SLC12A7: variants seen among roughly 807,000 people sequenced by gnomAD.
SLC12A7 encodes the protein K-Cl cotransporter 4.
A neutral mutation model predicts 120.6 loss-of-function variants in SLC12A7; 100 were observed. The observed-to-expected ratio is 0.83, with a 90% CI of 0.71 to 0.98. The LOEUF (loss-of-function observed/expected upper bound fraction) is 0.98, where lower values mean the gene tolerates loss of function less well. Ranked by LOEUF, SLC12A7 falls within the 50% of genes least tolerant of loss-of-function variation. The probability of loss-of-function intolerance (pLI) is 0.00; values close to 1 mark genes in which losing one functional copy is unlikely to be tolerated. For missense variants in SLC12A7, 1,373 were observed against 1,548.1 expected, an observed-to-expected ratio of 0.89 and a Z score of 1.90; for synonymous variants, 760 against 678.0, an observed-to-expected ratio of 1.12 and a Z score of -1.88.
chr5:1,104,775 C>G (rs1360397820), intron 1 of SLC12A7, among the ~76,000 whole-genome samples: 1 of 152,234 alleles, frequency 6.6e-6, no homozygotes, highest in African/African-American at 2.4e-5. Flanking sequence ...AAGCAGCACT[C>G]TCCTCCCCAC....
intron 1 of SLC12A7, among the ~76,000 whole-genome samples, chr5:1,095,336 T>C (rs1315437788): frequency 6.6e-6 from 1 of 152,230 alleles, no homozygotes; most frequent in African/African-American, 2.4e-5. Context: ...GACCACAGCC[T>C]GCCCGGGACC....
chr5:1,118,695 G>A, the SLC12A7 span, among the ~76,000 whole-genome samples: 1 of 152,258 alleles, frequency 6.6e-6, no homozygotes, highest in Admixed American at 6.5e-5. Flanking sequence ...GCCTCAGAGA[G>A]CCTGGTCTCA....
At position 1,085,453 on chromosome 5, in the gene SLC12A7, C is replaced by T. The variant is rs1418966189; in HGVS notation, c.696G>A (p.Ala232=). The change falls in exon 7 of 24, where the codon GCG becomes GCA. Residue 232 remains alanine, a synonymous_variant. Transcript: ENST00000264930. ...CTGCAGCCTCCGCCTGGAAGATGGC[C>T]GCACCCGGGGAGATGTACGTCTGTG... ...EIFLTYISPG[A]AIFQAEAAGG... 4.4e-6 allele frequency: 7 copies of T among 1,608,116 alleles called. No individual in the cohort carries two copies. The highest frequency in any genetic ancestry group is 1.7e-4 in the Middle Eastern group (1 of 6,054).
the SLC12A7 span, among the ~76,000 whole-genome samples, chr5:1,143,984 G>GGCGCTGCGAAACCTGGCCTCTTGGGCA: frequency 5.9e-5 from 9 of 152,284 alleles, no homozygotes; most frequent in East Asian, 3.9e-4. Flanking sequence ...TGGGCACCCT[G>GGCGCTGCGAAACCTGGCCTCTTGGGCA]CCCTCCTACC....
chr5:1,118,646 T>C, the SLC12A7 span, among the ~76,000 whole-genome samples: 10 of 152,218 alleles, frequency 6.6e-5, no homozygotes, highest in Non-Finnish European at 1.5e-4. Context: ...GAAATTCGAA[T>C]GAGTCCAGGA....
the SLC12A7 span, among the ~76,000 whole-genome samples, chr5:1,144,292 C>CCCAAGTCCCGGGCT: frequency 6.6e-6 from 1 of 152,236 alleles, no homozygotes; most frequent in East Asian, 1.9e-4. Context: ...AAGGCAGGGG[C>CCCAAGTCCCGGGCT]CCACGTCCCG....
At position 1,065,483 on chromosome 5, in the gene SLC12A7, G is replaced by C; in HGVS notation, c.2242-5C>G. 4 of 1,571,932 alleles carry C rather than the reference G, an allele frequency of 2.5e-6. No homozygotes were observed. The highest frequency in any genetic ancestry group is 3.5e-6 in the Non-Finnish European group (4 of 1,154,752). ...GCTCATTAGGGACCGTATGTTCTGC[G>C]GGAGACAGGACAGGTTGGTGCTACA... On this transcript the variant is annotated splice_region_variant and splice_polypyrimidine_tract_variant and intron_variant, in intron 17 of 23. Coordinates refer to ENST00000264930, the MANE Select transcript of SLC12A7 (RefSeq NM_006598.3).
intron 9 of SLC12A7, among the ~76,000 whole-genome samples, chr5:1,080,649 C>T (rs564388738): frequency 1.5e-4 from 23 of 152,308 alleles, no homozygotes; most frequent in African/African-American, 3.6e-4. Context: ...CAGCCGGGGG[C>T]GTGTGTGTGC....
chr5:1,064,158 GC>G lies in SLC12A7; in HGVS notation c.2531del (p.Gly844AlafsTer48), dbSNP rs1487680071. 6.2e-7 allele frequency: 1 copy of G among 1,612,124 alleles called. No homozygotes were observed. Among genetic ancestry groups the G allele is most frequent in the African/African-American group, 1.3e-5 (1 of 75,046 alleles). ...GCACGATCCACCACACGTCGATGTG[GC>G]CCCCGCCGAAGCGCTCCTGGTTTTG... The part of the protein sequence containing the change: ...FPQNQERFGG[G>X]HIDVWWIVHD... On this transcript the variant is annotated frameshift_variant, in exon 19 of 24. Transcript: ENST00000264930. LOFTEE classifies it high-confidence loss of function.
At position 1,083,853 on chromosome 5, in the gene SLC12A7, G is replaced by T. The variant is rs772388727; in HGVS notation, c.1021C>A (p.Leu341Ile). The T allele has an allele frequency of 6.2e-7, 1 of 1,608,066 alleles. No individual in the cohort carries two copies. Among genetic ancestry groups the T allele is most frequent in the South Asian group, 1.1e-5 (1 of 90,680 alleles). The change falls in exon 8 of 24, where the codon CTC (leucine) becomes ATC (isoleucine). Residue 341 changes from leucine (L) to isoleucine (I), a missense_variant. Transcript: ENST00000264930. ...NNSATSALWG[L>I]FCNGSQPSAA... ...CTGGGCTGGGAGCCGTTGCAGAAGA[G>T]GCCCCAGAGCGCGGAGGTGGCTGAG... is the stretch of plus-strand genomic sequence containing the variant.
chr5:1,139,647 G>T, the SLC12A7 span, among the ~76,000 whole-genome samples: 2 of 152,246 alleles, frequency 1.3e-5, no homozygotes, highest in Non-Finnish European at 2.9e-5. Context: ...CTCTGTAGGC[G>T]TCCGCACAGC....
chr5:1,142,137 C>T, the SLC12A7 span, among the ~76,000 whole-genome samples: 1 of 151,970 alleles, frequency 6.6e-6, no homozygotes, highest in African/African-American at 2.4e-5. Flanking sequence ...CCCGGCCACC[C>T]CTGGCAGCAT....
the SLC12A7 span, among the ~76,000 whole-genome samples, chr5:1,135,760 G>A: frequency 4.6e-5 from 7 of 152,324 alleles, no homozygotes; most frequent in African/African-American, 1.4e-4. Flanking sequence ...TAAGTCCCTC[G>A]CCCTGGTAAG....
chr5:1,095,942 A>G (rs994276914), intron 1 of SLC12A7, among the ~76,000 whole-genome samples: 3 of 152,344 alleles, frequency 2.0e-5, no homozygotes, highest in Non-Finnish European at 1.5e-5. Flanking sequence ...CACCACAGAG[A>G]GGCCAGTGCC....
At chr5:1,075,774 C>T (rs1738263107) in intron 14 of SLC12A7, 1 of 502,660 alleles carries the variant, frequency 2.0e-6, no homozygotes. Context: ...CTGAAGCGTC[C>T]ACCCAGCGCC....
rs188048901 is a variant in SLC12A7, at chr5:1,083,841, C to G, written c.1033G>C (p.Gly345Arg). The change falls in exon 8 of 24, where the codon GGC becomes CGC. Residue 345 changes from glycine to arginine, a missense_variant. Physicochemically the swap from Gly to Arg is moderately radical, Grantham distance 125. Coordinates refer to ENST00000264930, the MANE Select transcript of SLC12A7 (RefSeq NM_006598.3). ...TCACAGGCGGCGCTGGGCTGGGAGC[C>G]GTTGCAGAAGAGGCCCCAGAGCGCG... is the stretch of plus-strand genomic sequence containing the variant. Reference protein sequence around the residue: ...TSALWGLFCNGSQPSAACDEY... With the variant: ...TSALWGLFCNRSQPSAACDEY... 1 of 1,608,392 alleles carries G rather than the reference C, an allele frequency of 6.2e-7. No homozygotes were observed.
intron 17 of SLC12A7, among the ~76,000 whole-genome samples, chr5:1,073,366 G>A (rs549530351): frequency 1.2e-4 from 19 of 152,290 alleles, no homozygotes; most frequent in South Asian, 2.1e-4. Flanking sequence ...GGCTCTGGAC[G>A]GGGCTCACCC....
rs1403164597 is a variant in SLC12A7 at position 1,081,845 on chromosome 5, G to A, written c.1130-101C>T. On this transcript the variant is annotated intron_variant, in intron 8 of 23. Transcript: ENST00000264930. Reference sequence around the variant, plus strand: ...CGGCAGGTGCCACTGGTGGCCGGAGGGGAAGGGTCACAGCTTGTGCGCCGC... The same window carrying A: ...CGGCAGGTGCCACTGGTGGCCGGAGAGGAAGGGTCACAGCTTGTGCGCCGC... 4 of 1,411,556 alleles carry A rather than the reference G, an allele frequency of 2.8e-6. No homozygotes were observed. In the African/African-American group the frequency reaches 4.2e-5, roughly 15 times the overall value. 87.4% of individuals were successfully genotyped at this position (1,411,556 alleles called of 1,614,324 possible).
At chr5:1,063,316 C>T (rs1305199680) in intron 20 of SLC12A7, among the ~76,000 whole-genome samples, 1 of 152,212 alleles carries the variant, frequency 6.6e-6, no homozygotes, top group African/African-American at 2.4e-5. Flanking sequence ...GAAGGTGAGC[C>T]CATCTGGGGA....
Sources: allele counts gnomAD v4.1 joint callset (sites outside exome capture counted in the v4.1 genomes callset), GRCh38; gene constraint gnomAD v4.1.1; transcripts MANE v1.5; gene names NCBI Gene and HGNC (gene_info 2026-07-23, HGNC 2026-07-21).